POLR3H: variants seen among roughly 807,000 people sequenced by gnomAD.
POLR3H encodes the protein RNA polymerase III subunit H.
POLR3H carries 17 observed loss-of-function variants against 25.5 expected under a neutral mutation model. The ratio of observed to expected loss-of-function variants is 0.67; its 90% confidence interval spans 0.46 to 1.00. The LOEUF is 1.00. Among genes scored for constraint, POLR3H ranks in the 50% least tolerant of loss-of-function variants. The probability of loss-of-function intolerance (pLI) is 0.00; values close to 1 mark genes in which losing one functional copy is unlikely to be tolerated. For synonymous variants in POLR3H, 129 were observed against 103.0 expected (o/e 1.25, Z -1.53); for missense variants, 274 against 265.0 (o/e 1.03, Z -0.24).
intron 1 of POLR3H, among the ~76,000 whole-genome samples, chr22:41,541,672 G>A (rs1040422243): frequency 1.3e-5 from 2 of 152,124 alleles, no homozygotes; most frequent in African/African-American, 4.8e-5. Flanking sequence ...TAGAAGACTT[G>A]TCCCAACAGG....
Position 41,532,763 on chromosome 22 carries a change from C to G in POLR3H, c.209-18G>C, listed in dbSNP as rs2066765040. 1 of 1,611,856 alleles carries G rather than the reference C, an allele frequency of 6.2e-7. No homozygotes were observed. The highest frequency in any genetic ancestry group is 8.5e-7 in the Non-Finnish European group (1 of 1,178,644). ...AAAATGGACTGGAAATGAAGACAGC[C>G]CATCAGTGATGCTGACCGGGGCCCC... On this transcript the variant is annotated intron_variant, in intron 2 of 5. Transcript: ENST00000355209.
At position 41,529,117 on chromosome 22, in the gene POLR3H, G is replaced by A; in HGVS notation, c.*166C>T. ...ATCACTGCAGTGAAGGAGGAGCAGG[G>A]CCTAGATGGTGGAGGAGCGGGGCAA... On this transcript the variant is annotated 3_prime_UTR_variant, in exon 6 of 6. Transcript: ENST00000355209. 2 of 620,716 alleles carry A rather than the reference G, an allele frequency of 3.2e-6. No individual in the cohort carries two copies. Among genetic ancestry groups the A allele is most frequent in the South Asian group, 1.9e-5 (1 of 52,116 alleles). 38.5% of individuals were successfully genotyped at this position (620,716 alleles called of 1,614,324 possible). A position where few individuals can be genotyped will look rare whatever the true frequency, so the allele number is the denominator to read the frequency against.
rs989190567 is a variant in POLR3H, at chr22:41,529,204, G to T, written c.*79C>A. 4 of 1,270,072 alleles carry T rather than the reference G, an allele frequency of 3.1e-6. No homozygotes were observed. The African/African-American group carries it at 4.4e-5, about 14-fold the overall frequency. 78.7% of individuals were successfully genotyped at this position (1,270,072 alleles called of 1,614,324 possible). ...CTCGAGACACTATCTCCTTAGCATC[G>T]GCCTCAGCTGCTGTTGTCTTCACAG... is the stretch of plus-strand genomic sequence containing the variant. On this transcript the variant is annotated 3_prime_UTR_variant, in exon 6 of 6. Coordinates refer to ENST00000355209, the MANE Select transcript of POLR3H (RefSeq NM_001018050.4).
chr22:41,530,980 A>C, intron 4 of POLR3H, 92 bp from the exon 5 acceptor site: 228 of 1,222,354 alleles, frequency 1.9e-4, no homozygotes, highest in Middle Eastern at 2.4e-4. Context: ...AACCAATCTC[A>C]GGGTGAGATC....
intron 5 of POLR3H, among the ~76,000 whole-genome samples, chr22:41,530,097 C>A (rs2066697584): frequency 6.6e-6 from 1 of 151,832 alleles, no homozygotes; most frequent in African/African-American, 2.4e-5. Context: ...TCCCAAGCCC[C>A]TTCCTTGATT....
In POLR3H at chr22:41,544,129, C is replaced by G. The variant is rs1205848761; in HGVS notation, c.-28G>C. 3 of 1,456,504 alleles carry G rather than the reference C, an allele frequency of 2.1e-6. No individual in the cohort carries two copies. Among genetic ancestry groups the G allele is most frequent in the Non-Finnish European group, 2.9e-6 (3 of 1,040,444 alleles). The allele number at this position is 1,456,504 out of a possible 1,614,324, so 90.2% of individuals were successfully genotyped here. On this transcript the variant is annotated 5_prime_UTR_variant, in exon 1 of 6. Transcript: ENST00000355209. ...CGGCCTGCGCTGGGGGCTCTGGGAA[C>G]AGGAGGGTCAGTCACGCACCAGGGC...
intron 5 of POLR3H, among the ~76,000 whole-genome samples, chr22:41,529,920 T>C (rs58379975): frequency 0.012 from 1,791 of 151,530 alleles, 37 homozygotes; most frequent in African/African-American, 0.041. Context: ...CACACCCGGC[T>C]AATTTTTTGT....
rs900719885 is a variant in POLR3H at position 41,528,338 on chromosome 22, T to C, written c.*945A>G. 32 of 1,242,990 alleles carry C rather than the reference T, an allele frequency of 2.6e-5. No individual in the cohort carries two copies. The African/African-American group carries it at 4.4e-4, about 17-fold the overall frequency. The allele number at this position is 1,242,990 out of a possible 1,614,324, so 77.0% of individuals were successfully genotyped here. ...TGCCACCTGGGTCTGACCTGGGCCA[T>C]CAGGCACAGACTGGCCTAGGATTTG... On this transcript the variant is annotated 3_prime_UTR_variant, in exon 6 of 6. Coordinates refer to ENST00000355209, the MANE Select transcript of POLR3H (RefSeq NM_001018050.4).
At chr22:41,532,494 G>A (rs1163465447) in intron 3 of POLR3H, 165 bp downstream of exon 3, 2 of 1,251,204 alleles carry the variant, frequency 1.6e-6, no homozygotes, top group Non-Finnish European at 2.2e-6. Flanking sequence ...TGCTGATGGA[G>A]GTCCTCACAC....
chr22:41,530,623 C>A, intron 5 of POLR3H, 64 bp downstream of exon 5: 2 of 1,462,798 alleles, frequency 1.4e-6, no homozygotes, highest in Non-Finnish European at 1.9e-6. Context: ...CAGGACACAG[C>A]TTCCAGCCCT....
At chr22:41,532,530 G>A in intron 3 of POLR3H, 129 bp downstream of exon 3, 1 of 1,531,638 alleles carries the variant, frequency 6.5e-7, no homozygotes, top group Non-Finnish European at 8.8e-7. Flanking sequence ...GGGTGGGCAA[G>A]CTTCTCTGAC....
chr22:41,533,700 A>G, intron 2 of POLR3H: 1 of 1,304,100 alleles, frequency 7.7e-7, no homozygotes, highest in Non-Finnish European at 1.0e-6. Context: ...GGGAAGACAC[A>G]AACGTGAGCC....
At position 41,544,344 on chromosome 22, in the gene POLR3H, G is replaced by C; in HGVS notation, c.-243C>G. On this transcript the variant is annotated 5_prime_UTR_variant, in exon 1 of 6. Transcript: ENST00000355209. ...AGCTCCGGGTGCGCGCCCGCGCCGC[G>C]AGACCCCGCCACGCCACGCCACTCC... is the stretch of plus-strand genomic sequence containing the variant. 2.5e-6 allele frequency: 1 copy of C among 400,652 alleles called. No homozygotes were observed. Among genetic ancestry groups the C allele is most frequent in the South Asian group, 3.9e-5 (1 of 25,954 alleles). The allele number at this position is 400,652 out of a possible 1,614,324, so 24.8% of individuals were successfully genotyped here. A position where few individuals can be genotyped will look rare whatever the true frequency, so the allele number is the denominator to read the frequency against.
At position 41,528,522 on chromosome 22, in the gene POLR3H, C is replaced by T; in HGVS notation, c.*761G>A. On this transcript the variant is annotated 3_prime_UTR_variant, in exon 6 of 6. Coordinates refer to ENST00000355209, the MANE Select transcript of POLR3H (RefSeq NM_001018050.4). ...AAGCACCCCAACGGGACCCAGGAGA[C>T]CATCCTCCTGAACCACACCTTCAAC... 6.2e-7 allele frequency: 1 copy of T among 1,612,962 alleles called. No homozygotes were observed. The highest frequency in any genetic ancestry group is 8.5e-7 in the Non-Finnish European group (1 of 1,180,024).
intron 2 of POLR3H, among the ~76,000 whole-genome samples, chr22:41,534,519 T>C (rs2066808040): frequency 6.6e-6 from 1 of 152,040 alleles, no homozygotes; most frequent in Non-Finnish European, 1.5e-5. Flanking sequence ...AGCAGTTAAG[T>C]GGCTGCCAGA....
At position 41,527,542 on chromosome 22, in the gene POLR3H, T is replaced by C; in HGVS notation, c.*1741A>G. 1 of 1,362,878 alleles carries C rather than the reference T, an allele frequency of 7.3e-7. No individual in the cohort carries two copies. The highest frequency in any genetic ancestry group is 9.9e-7 in the Non-Finnish European group (1 of 1,009,176). The allele number at this position is 1,362,878 out of a possible 1,614,324, so 84.4% of individuals were successfully genotyped here. A position where few individuals can be genotyped will look rare whatever the true frequency, so the allele number is the denominator to read the frequency against. On this transcript the variant is annotated 3_prime_UTR_variant, in exon 6 of 6. Coordinates refer to ENST00000355209, the MANE Select transcript of POLR3H (RefSeq NM_001018050.4). Reference sequence around the variant, plus strand: ...GTGTCCACTGCAGCCCACAGGCCCGTCAGCCTCTTGCCCCTTCTTAGGCTC... The same window carrying C: ...GTGTCCACTGCAGCCCACAGGCCCGCCAGCCTCTTGCCCCTTCTTAGGCTC...
At chr22:41,532,360 C>T (rs1317523890) in intron 3 of POLR3H, among the ~76,000 whole-genome samples, 1 of 152,218 alleles carries the variant, frequency 6.6e-6, no homozygotes, top group Non-Finnish European at 1.5e-5. Context: ...AAGCCCGGAG[C>T]ACCTAGTCCC....
rs1601934456 is a variant in POLR3H at position 41,526,713 on chromosome 22, AGACAAGGAAGGGGGCC to A, written c.*2554_*2569del. 9.2e-6 allele frequency: 4 copies of A among 434,666 alleles called. No homozygotes were observed. In the East Asian group the frequency reaches 1.5e-4, roughly 16 times the overall value. The allele number at this position is 434,666 out of a possible 1,614,324, so 26.9% of individuals were successfully genotyped here. On this transcript the variant is annotated 3_prime_UTR_variant, in exon 6 of 6. Coordinates refer to ENST00000355209, the MANE Select transcript of POLR3H (RefSeq NM_001018050.4). Reference sequence around the variant, plus strand: ...TCTTAGGATATCTGGCCCTAGACAAAGACAAGGAAGGGGGCCGACTCAGGAAGTCAGAGGCCAAAAG... The same window carrying A: ...TCTTAGGATATCTGGCCCTAGACAAAGACTCAGGAAGTCAGAGGCCAAAAG...
chr22:41,527,504 C>T lies in POLR3H; in HGVS notation c.*1779G>A, dbSNP rs1255028940. 8 of 1,530,456 alleles carry T rather than the reference C, an allele frequency of 5.2e-6. No individual in the cohort carries two copies. In the African/African-American group the frequency reaches 9.6e-5, roughly 18 times the overall value. 94.8% of individuals were successfully genotyped at this position (1,530,456 alleles called of 1,614,324 possible). On this transcript the variant is annotated 3_prime_UTR_variant, in exon 6 of 6. Transcript: ENST00000355209. ...CTCCCTGCCCGTGGCTGAGTTGGGC[C>T]TGGTTCTAGGCTGTGTCCACTGCAG...
Sources: allele counts gnomAD v4.1 joint callset (sites outside exome capture counted in the v4.1 genomes callset), GRCh38; gene constraint gnomAD v4.1.1; transcripts MANE v1.5; gene names NCBI Gene and HGNC (gene_info 2026-07-23, HGNC 2026-07-21).